CNTNAP4: variants seen among roughly 807,000 people sequenced by gnomAD.
CNTNAP4 encodes the protein contactin associated protein family member 4, also known as contactin-associated protein-like 4.
CNTNAP4 carries 98 observed loss-of-function variants against 148.4 expected under a neutral mutation model. The ratio of observed to expected loss-of-function variants is 0.66; its 90% CI spans 0.56 to 0.78. The LOEUF is 0.78. CNTNAP4 is among the 30% of genes least tolerant of loss of function. The probability of loss-of-function intolerance (pLI) is 0.00; values close to 1 mark genes in which losing one functional copy is unlikely to be tolerated. For synonymous variants in CNTNAP4, 730 were observed against 565.1 expected, an observed-to-expected ratio of 1.29 and a Z score of -4.14; for missense variants, 1,935 against 1,565.6, an observed-to-expected ratio of 1.24 and a Z score of -3.98.
At chr16:76,376,696 C>T (rs1007305738) in intron 3 of CNTNAP4, among the ~76,000 whole-genome samples, 79 of 152,228 alleles carry the variant, frequency 5.2e-4, no homozygotes, top group African/African-American at 1.9e-3. Context: ...GAACTGAGGG[C>T]ATAGACATTT....
intron 4 of CNTNAP4, among the ~76,000 whole-genome samples, chr16:76,436,759 A>G (rs982633797): frequency 1.3e-5 from 2 of 152,116 alleles, no homozygotes; most frequent in Admixed American, 1.3e-4. Flanking sequence ...CTAACTCTCT[A>G]AACAGTTCAT....
At chr16:76,469,538 A>T (rs1400507194) in intron 10 of CNTNAP4, 1 of 152,220 alleles carries the variant, frequency 6.6e-6, no homozygotes, top group Non-Finnish European at 1.5e-5. Context: ...CATGTTGATT[A>T]TCTCAGATTG....
chr16:76,489,725 TAAC>T lies in CNTNAP4; in HGVS notation c.1925_1927del (p.Thr642del). The T allele has an allele frequency of 6.2e-7, 1 of 1,605,298 alleles. No individual in the cohort carries two copies. Among genetic ancestry groups the T allele is most frequent in the Non-Finnish European group, 8.5e-7 (1 of 1,175,242 alleles). ...ATCATACAGCACAACGGCTCTGACT[TAAC>T]AAGAGTCAGAAATACTAATCCAGAG... On this transcript the variant is annotated inframe_deletion, in exon 13 of 24. Coordinates refer to ENST00000611870, the MANE Select transcript of CNTNAP4 (RefSeq NM_033401.5).
chr16:76,389,020 G>A (rs752135834), intron 3 of CNTNAP4, among the ~76,000 whole-genome samples: 1 of 152,128 alleles, frequency 6.6e-6, no homozygotes, highest in Admixed American at 6.5e-5. Flanking sequence ...TGTTATATAT[G>A]ACTAAGCCAA....
intron 8 of CNTNAP4, among the ~76,000 whole-genome samples, chr16:76,455,789 AT>A (rs773753457): frequency 6.6e-6 from 1 of 152,138 alleles, no homozygotes; most frequent in Non-Finnish European, 1.5e-5. Context: ...CTCCTACCCT[AT>A]ATGGCAGGCT....
intron 4 of CNTNAP4, among the ~76,000 whole-genome samples, chr16:76,445,985 C>G (rs764889594): frequency 6.6e-6 from 1 of 152,048 alleles, no homozygotes; most frequent in East Asian, 1.9e-4. Context: ...AGCTATGTAA[C>G]GAGGAAGGAT....
At chr16:76,376,502 C>T (rs1280006195) in intron 3 of CNTNAP4, among the ~76,000 whole-genome samples, 6 of 108,506 alleles carry the variant, frequency 5.5e-5, no homozygotes, top group African/African-American at 1.5e-4. Context: ...ATATAAAGGA[C>T]CTTTCATATG....
At chr16:76,463,494 T>C (rs1386974282) in intron 9 of CNTNAP4, among the ~76,000 whole-genome samples, 1 of 152,188 alleles carries the variant, frequency 6.6e-6, no homozygotes, top group African/African-American at 2.4e-5. Flanking sequence ...ATCACACATG[T>C]ACTCTGTAAT....
chr16:76,326,250 A>C (rs1962961870), intron 2 of CNTNAP4, among the ~76,000 whole-genome samples: 1 of 152,202 alleles, frequency 6.6e-6, no homozygotes, highest in Non-Finnish European at 1.5e-5. Flanking sequence ...TACATGTGTG[A>C]AGGGCCCCAG....
At chr16:76,403,331 G>A (rs920687602) in intron 3 of CNTNAP4, among the ~76,000 whole-genome samples, 1 of 152,140 alleles carries the variant, frequency 6.6e-6, no homozygotes, top group East Asian at 1.9e-4. Flanking sequence ...CTGACCTCGT[G>A]ATCCACCCAC....
At chr16:76,373,012 A>G (rs1233002942) in intron 3 of CNTNAP4, among the ~76,000 whole-genome samples, 2 of 152,248 alleles carry the variant, frequency 1.3e-5, no homozygotes, top group African/African-American at 4.8e-5. Context: ...CGAATCTGAA[A>G]TACAATAATC....
At chr16:76,403,937 TA>T (rs2078508701) in intron 3 of CNTNAP4, among the ~76,000 whole-genome samples, 1 of 152,156 alleles carries the variant, frequency 6.6e-6, no homozygotes, top group Non-Finnish European at 1.5e-5. Flanking sequence ...ATTAGCAAAC[TA>T]ATGTAGGAAC....
rs541399437 is a variant in CNTNAP4 at position 76,369,380 on chromosome 16, C to T, written c.390+13869C>T. ...CCAGAGAAATGGAACCAAGTATATA[C>T]ATGAAATGGGAACTGGTTTATGCAA... On this transcript the variant is annotated intron_variant, in intron 3 of 23. Transcript: ENST00000611870. Among the ~76,000 whole-genome samples the T allele has an allele frequency of 4.6e-5, 7 of 152,256 alleles. No homozygotes were observed. The East Asian group carries it at 1.2e-3, about 25-fold the overall frequency.
intron 8 of CNTNAP4, among the ~76,000 whole-genome samples, chr16:76,455,817 C>A (rs2080707592): frequency 6.6e-6 from 1 of 152,106 alleles, no homozygotes; most frequent in African/African-American, 2.4e-5. Flanking sequence ...TTTTCTTATA[C>A]ATTGTGCACT....
Position 76,452,527 on chromosome 16 carries a change from G to T in CNTNAP4, c.1091G>T (p.Cys364Phe). 2 of 1,613,884 alleles carry T rather than the reference G, an allele frequency of 1.2e-6. No individual in the cohort carries two copies. The highest frequency in any genetic ancestry group is 1.7e-6 in the Non-Finnish European group (2 of 1,179,824). ...IIAMGNVSFS[C>F]SQPQSMPVTF... ...TCTCAGGGAAATGTGTCATTTTCTT[G>T]TTCACAACCACAATCTATGCCCGTG... The change falls in exon 8 of 24, where the codon TGT (cysteine) becomes TTT (phenylalanine). Residue 364 changes from cysteine (C) to phenylalanine (F), a missense_variant. Cys to Phe is a radical substitution (Grantham distance 205, BLOSUM62 -2). Transcript: ENST00000611870.
chr16:76,487,026 G>A (rs2082052942), intron 12 of CNTNAP4, among the ~76,000 whole-genome samples: 1 of 152,180 alleles, frequency 6.6e-6, no homozygotes. Flanking sequence ...ATCATAAACA[G>A]ATAGATATTA....
intron 4 of CNTNAP4, among the ~76,000 whole-genome samples, chr16:76,440,320 TTTTC>T (rs1373600481): frequency 2.6e-5 from 4 of 152,136 alleles, no homozygotes; most frequent in African/African-American, 9.6e-5. Flanking sequence ...TAAAAATTGA[TTTTC>T]TAATTTACAC....
intron 21 of CNTNAP4, among the ~76,000 whole-genome samples, chr16:76,551,961 A>T (rs998450802): frequency 1.3e-5 from 2 of 152,218 alleles, no homozygotes; most frequent in African/African-American, 4.8e-5. Context: ...TCACACTGCT[A>T]TAAAGAGCTT....
intron 3 of CNTNAP4, among the ~76,000 whole-genome samples, chr16:76,425,958 T>C (rs888404727): frequency 6.6e-6 from 1 of 152,014 alleles, no homozygotes; most frequent in Admixed American, 6.6e-5. Context: ...AAGAACAAAA[T>C]AATAATAAAG....
Sources: gnomAD v4.1 joint callset for allele counts (sites outside exome capture counted in the v4.1 genomes callset) on GRCh38, gnomAD v4.1.1 for gene constraint, MANE v1.5 for transcripts, NCBI Gene and HGNC (gene_info 2026-07-23, HGNC 2026-07-21) for gene names.